Variants in PRKX observed in about 807,000 individuals in gnomAD.
PRKX encodes the protein protein kinase cAMP-dependent X-linked catalytic subunit.
A neutral mutation model predicts 22.0 loss-of-function variants in PRKX; 12 were observed. The observed-to-expected ratio is 0.54, with a 90% confidence interval of 0.35 to 0.88. The LOEUF is 0.88. PRKX is among the 40% of genes least tolerant of loss of function. The pLI is 0.01. For missense variants in PRKX, 217 were observed against 308.0 expected (o/e 0.70, Z 2.21); for synonymous variants, 134 against 137.7 (o/e 0.97, Z 0.19).
chrX:3,650,272 AGC>A (rs1212021818), intron 3 of PRKX, among the ~76,000 whole-genome samples: 36 of 109,798 alleles, frequency 3.3e-4, no homozygotes, highest in Middle Eastern at 0.012. Context: ...CTGTAATCCC[AGC>A]ACTCTGGGAG....
At chrX:3,707,216 C>T (rs952043303) in intron 1 of PRKX, among the ~76,000 whole-genome samples, 3 of 111,848 alleles carry the variant, frequency 2.7e-5, no homozygotes, top group African/African-American at 9.8e-5. Context: ...TTGTACCCGT[C>T]CAGTACTTGG....
At chrX:3,616,014 T>G in intron 6 of PRKX, 122 bp from the exon 7 acceptor site, 1 of 623,578 alleles carries the variant, frequency 1.6e-6, no homozygotes, top group Admixed American at 2.9e-5. Flanking sequence ...TTTGCTGCAT[T>G]TTGGAGAACT....
At position 3,616,036 on chromosome X, in the gene PRKX, G is replaced by T. The variant is rs111826908; in HGVS notation, c.874-144C>A. The T allele has an allele frequency of 5.6e-4, 295 of 523,361 alleles. No homozygotes were observed. The African/African-American group carries it at 6.6e-3, about 12-fold the overall frequency. The allele number at this position is 523,361 out of a possible 1,213,427, so 43.1% of individuals were successfully genotyped here. A position where few individuals can be genotyped will look rare whatever the true frequency, so the allele number is the denominator to read the frequency against. ...CATTTTGGAGAACTGTGCCTGGAGG[G>T]TGAGCTGCCAGGAAAACCTGCAAGC... On this transcript the variant is annotated intron_variant, in intron 6 of 8. Coordinates refer to ENST00000262848, the MANE Select transcript of PRKX (RefSeq NM_005044.5).
At chrX:3,709,057 G>C (rs1390774091) in intron 1 of PRKX, among the ~76,000 whole-genome samples, 2 of 107,863 alleles carry the variant, frequency 1.9e-5, no homozygotes, top group Non-Finnish European at 3.8e-5. Flanking sequence ...GCTCATGCCT[G>C]TATATAGTCC....
At chrX:3,642,489 G>A (rs192097345) in intron 3 of PRKX, among the ~76,000 whole-genome samples, 1 of 110,210 alleles carries the variant, frequency 9.1e-6, no homozygotes, top group African/African-American at 3.3e-5. Context: ...AAGCACAGGA[G>A]AAGGATGAGG....
chrX:3,706,002 T>TAA (rs11349613), intron 1 of PRKX, among the ~76,000 whole-genome samples: 4,071 of 93,651 alleles, frequency 0.043, 201 homozygotes, highest in African/African-American at 0.13. Flanking sequence ...GGTTTTTCTT[T>TAA]AAAAAAAAAA....
intron 1 of PRKX, among the ~76,000 whole-genome samples, chrX:3,709,076 TG>T: frequency 9.5e-6 from 1 of 105,432 alleles, no homozygotes; most frequent in Non-Finnish European, 1.9e-5. Flanking sequence ...CCCAGCACTT[TG>T]GGAGGCCAAG....
At chrX:3,672,669 T>C (rs1390623274) in intron 2 of PRKX, among the ~76,000 whole-genome samples, 6 of 110,695 alleles carry the variant, frequency 5.4e-5, no homozygotes, top group African/African-American at 1.6e-4. Flanking sequence ...AGGGCTATCA[T>C]TAACAAAGTA....
intron 3 of PRKX, among the ~76,000 whole-genome samples, chrX:3,646,110 G>A (rs1287372555): frequency 1.1e-4 from 12 of 111,336 alleles, no homozygotes; most frequent in Admixed American, 1.9e-4. Flanking sequence ...GGCCAAGATG[G>A]TGAAACCCTG....
rs772993679 is a variant in PRKX at position 3,712,678 on chromosome X, C to T, written c.166+410G>A. 9.6e-4 allele frequency among the ~76,000 whole-genome samples: 108 copies of T among 112,341 alleles called. 1 individual carries two copies. The highest frequency in any genetic ancestry group is 1.9e-3 in the Non-Finnish European group (99 of 53,160). On this transcript the variant is annotated intron_variant, in intron 1 of 8. Transcript: ENST00000262848. ...CACAGGGAGGCTGGCCTAGGGGAGG[C>T]CTGCAGGGGTCTTCGCACCCCGCGC...
chrX:3,628,018 T>C (rs949571746), intron 4 of PRKX, among the ~76,000 whole-genome samples: 4 of 110,877 alleles, frequency 3.6e-5, no homozygotes, highest in African/African-American at 1.3e-4. Flanking sequence ...GATGAGCAGA[T>C]AGGTAAAGAA....
At chrX:3,675,773 G>A (rs749116916) in intron 1 of PRKX, among the ~76,000 whole-genome samples, 2 of 111,010 alleles carry the variant, frequency 1.8e-5, no homozygotes, top group Admixed American at 9.7e-5. Flanking sequence ...ACGTGTTCAC[G>A]CACATATTGA....
intron 1 of PRKX, among the ~76,000 whole-genome samples, chrX:3,700,703 C>G (rs1928545192): frequency 1.8e-5 from 2 of 111,197 alleles, no homozygotes; most frequent in African/African-American, 3.3e-5. Context: ...CTCGGCCTCC[C>G]AAGTTGCTGG....
At chrX:3,670,861 G>A (rs1425855216) in intron 2 of PRKX, among the ~76,000 whole-genome samples, 1 of 111,146 alleles carries the variant, frequency 9.0e-6, no homozygotes, top group African/African-American at 3.3e-5. Flanking sequence ...CTCATTTTCT[G>A]TCATTTTTTG....
chrX:3,673,852 G>C (rs961690107), intron 2 of PRKX, among the ~76,000 whole-genome samples: 14 of 110,804 alleles, frequency 1.3e-4, no homozygotes, highest in Non-Finnish European at 2.3e-4. Context: ...TCTCATGAAT[G>C]GGACGAGTGC....
At chrX:3,671,472 C>A (rs563298689) in intron 2 of PRKX, among the ~76,000 whole-genome samples, 2 of 111,440 alleles carry the variant, frequency 1.8e-5, no homozygotes, top group Admixed American at 1.9e-4. Context: ...AGAATAATAT[C>A]GAAAGTGGCC....
At chrX:3,699,358 C>T (rs1201314984) in intron 1 of PRKX, among the ~76,000 whole-genome samples, 2 of 106,943 alleles carry the variant, frequency 1.9e-5, no homozygotes, top group African/African-American at 6.9e-5. Context: ...TTTTCTTTTT[C>T]TTTTCTTTTT....
At chrX:3,689,344 C>G (rs1412131663) in intron 1 of PRKX, among the ~76,000 whole-genome samples, 1 of 112,219 alleles carries the variant, frequency 8.9e-6, no homozygotes, top group East Asian at 2.8e-4. Context: ...TAATGACCTT[C>G]TATTTTATAG....
chrX:3,609,400 A>T (rs925725879), intron 8 of PRKX, among the ~76,000 whole-genome samples: 2 of 111,568 alleles, frequency 1.8e-5, no homozygotes, highest in Admixed American at 1.9e-4. Flanking sequence ...ACCTCAGATG[A>T]TCCATGCGCC....
Sources: allele counts gnomAD v4.1 joint callset (sites outside exome capture counted in the v4.1 genomes callset), GRCh38; gene constraint gnomAD v4.1.1; transcripts MANE v1.5; gene names NCBI Gene and HGNC (gene_info 2026-07-23, HGNC 2026-07-21).